The following RPE65 variants were observed in gnomAD, a reference collection of about 807,000 sequenced individuals.
RPE65 encodes retinoid isomerohydrolase.
RPE65 carries 58 observed loss-of-function variants against 68.5 expected under a neutral mutation model. That is an observed-to-expected ratio of 0.85 (90% confidence interval 0.69 to 1.05). RPE65 has a LOEUF of 1.05. Ranked by LOEUF, RPE65 falls within the 50% of genes least tolerant of loss-of-function variation. RPE65 has a pLI of 0.00. For synonymous variants in RPE65, 220 were observed against 222.2 expected (o/e 0.99, Z 0.09); for missense variants, 643 against 629.9 (o/e 1.02, Z -0.22).
chr1:68,445,732 T>G (rs765487724), intron 3 of RPE65, among the ~76,000 whole-genome samples: 33 of 152,016 alleles, frequency 2.2e-4, no homozygotes, highest in Non-Finnish European at 3.5e-4. Flanking sequence ...GCCAGGCTGG[T>G]CTCAAACTCC....
Position 68,444,798 on chromosome 1 carries a change from G to A in RPE65, c.331C>T (p.Pro111Ser), listed in dbSNP as rs886042220. 2.5e-6 allele frequency: 4 copies of A among 1,614,020 alleles called. No individual in the cohort carries two copies. In the African/African-American group the frequency reaches 5.3e-5, roughly 22 times the overall value. The stretch of plus-strand genomic sequence containing the variant: ...AACCTGGAAAATATATTCTTGCAGG[G>A]ATCTGGGAAAGCACAGGTGCCAAAT... ...TEFGTCAFPD[P>S]CKNIFSRFFS... is the part of the protein sequence containing the mutation. Residue 111 changes from proline (P) to serine (S), a missense_variant, in exon 4 of 14, where the codon CCC (proline) becomes TCC (serine). Pro to Ser is a moderately conservative substitution (Grantham distance 74, BLOSUM62 -1). Coordinates refer to ENST00000262340, the MANE Select transcript of RPE65 (RefSeq NM_000329.3).
intron 10 of RPE65, among the ~76,000 whole-genome samples, chr1:68,432,337 C>T (rs1203594590): frequency 1.3e-5 from 2 of 151,842 alleles, no homozygotes; most frequent in Non-Finnish European, 2.9e-5. Context: ...TAATATACCA[C>T]AAATGTGGGG....
intron 10 of RPE65, among the ~76,000 whole-genome samples, chr1:68,436,688 G>C (rs1645865563): frequency 1.3e-5 from 2 of 151,882 alleles, no homozygotes; most frequent in African/African-American, 4.8e-5. Flanking sequence ...GGCTGGTCTT[G>C]AACTCCCAAC....
chr1:68,444,391 T>C, intron 5 of RPE65, 140 bp downstream of exon 5: 1 of 1,084,700 alleles, frequency 9.2e-7, no homozygotes. Context: ...ATCAGTGCAG[T>C]CCATTTGGAG....
In RPE65 at chr1:68,439,207, G is replaced by C. The variant is rs753656894; in HGVS notation, c.842C>G (p.Ser281Cys). Reference sequence around the variant, plus strand: ...AAGACTTACCCCCATGGTTTCATTGGACTCAAAACAATCCATGTAGTTGGC... The same window carrying C: ...AAGACTTACCCCCATGGTTTCATTGCACTCAAAACAATCCATGTAGTTGGC... ...WGANYMDCFESNETMGVWLHI... is the reference protein window; with the variant it reads ...WGANYMDCFECNETMGVWLHI... Residue 281 changes from serine to cysteine, a missense_variant, in exon 8 of 14, where the codon TCC (serine) becomes TGC (cysteine). Physicochemically the swap from Ser to Cys is moderately radical, Grantham distance 112. Coordinates refer to ENST00000262340, the MANE Select transcript of RPE65 (RefSeq NM_000329.3). The C allele has an allele frequency of 4.3e-6, 7 of 1,613,958 alleles. No individual in the cohort carries two copies. In the Admixed American group the frequency reaches 1.2e-4, roughly 27 times the overall value.
chr1:68,434,831 G>A (rs1645849635), intron 10 of RPE65, among the ~76,000 whole-genome samples: 1 of 152,046 alleles, frequency 6.6e-6, no homozygotes, highest in Non-Finnish European at 1.5e-5. Flanking sequence ...GCAATGGCAT[G>A]TAGCTCACTG....
At chr1:68,436,980 T>A (rs1168726156) in intron 10 of RPE65, among the ~76,000 whole-genome samples, 4 of 152,162 alleles carry the variant, frequency 2.6e-5, no homozygotes, top group African/African-American at 9.7e-5. Context: ...CTCAACTACT[T>A]ATTCCCTTTT....
chr1:68,441,884 C>A (rs1645904708), intron 5 of RPE65, among the ~76,000 whole-genome samples: 2 of 152,104 alleles, frequency 1.3e-5, no homozygotes, highest in African/African-American at 4.8e-5. Flanking sequence ...TTTATTCAGT[C>A]AATCATTTAT....
intron 5 of RPE65, 141 bp downstream of exon 5, chr1:68,444,390 G>A (rs1410068635): frequency 9.3e-7 from 1 of 1,075,126 alleles, no homozygotes; most frequent in Non-Finnish European, 1.4e-6. Flanking sequence ...AATCAGTGCA[G>A]TCCATTTGGA....
In RPE65 at chr1:68,440,813, A is replaced by T. The variant is rs1312522096; in HGVS notation, c.643+40T>A. On this transcript the variant is annotated intron_variant, in intron 6 of 13. Coordinates refer to ENST00000262340, the MANE Select transcript of RPE65 (RefSeq NM_000329.3). ...CAATACAGTAACTTTCTCACAATAT[A>T]GACACTTATTTTCAGAAGAGGACAG... 4 of 1,609,316 alleles carry T rather than the reference A, an allele frequency of 2.5e-6. No homozygotes were observed. The Admixed American group carries it at 6.7e-5, about 27-fold the overall frequency.
At chr1:68,431,872 A>C (rs144693251) in intron 10 of RPE65, among the ~76,000 whole-genome samples, 284 of 152,164 alleles carry the variant, frequency 1.9e-3, no homozygotes, top group African/African-American at 6.5e-3. Context: ...GCTCCAAAGA[A>C]AGGCCTCTGA....
chr1:68,448,567 A>G, intron 2 of RPE65, 57 bp downstream of exon 2: 1 of 1,513,720 alleles, frequency 6.6e-7, no homozygotes, highest in South Asian at 1.1e-5. Context: ...AGGAATAGGA[A>G]GCCAGAGAAG....
chr1:68,435,080 C>T (rs1645851417), intron 10 of RPE65, among the ~76,000 whole-genome samples: 1 of 152,166 alleles, frequency 6.6e-6, no homozygotes, highest in African/African-American at 2.4e-5. Context: ...TCACCCTTTT[C>T]AACTTGTCTA....
chr1:68,447,530 T>C (rs1645951141), intron 2 of RPE65, among the ~76,000 whole-genome samples: 1 of 152,160 alleles, frequency 6.6e-6, no homozygotes, highest in African/African-American at 2.4e-5. Flanking sequence ...AGATAGTCCT[T>C]AAGGCCTCTC....
At chr1:68,431,253 T>C in intron 12 of RPE65, 29 bp downstream of exon 12, 1 of 1,611,420 alleles carries the variant, frequency 6.2e-7, no homozygotes, top group Non-Finnish European at 8.5e-7. Context: ...CAAAGCACTG[T>C]TCAAATATTA....
Position 68,444,858 on chromosome 1 carries a change from GTACGTAAGCA to G in RPE65, c.261_270del (p.Ala88GlyfsTer3). On this transcript the variant is annotated frameshift_variant, in exon 4 of 14. Coordinates refer to ENST00000262340, the MANE Select transcript of RPE65 (RefSeq NM_000329.3). LOFTEE classifies it high-confidence loss of function. ...ACGATCCTTTTCTCAGTCATTGCCC[GTACGTAAGCA>G]TCAGTGCGGATGAACCTGAAGGACA... 1 of 1,614,082 alleles carries G rather than the reference GTACGTAAGCA, an allele frequency of 6.2e-7. No homozygotes were observed. The highest frequency in any genetic ancestry group is 8.5e-7 in the Non-Finnish European group (1 of 1,180,022).
intron 10 of RPE65, among the ~76,000 whole-genome samples, chr1:68,437,294 A>G (rs2100815637): frequency 6.6e-6 from 1 of 152,348 alleles, no homozygotes; most frequent in African/African-American, 2.4e-5. Flanking sequence ...CTTCATATTT[A>G]TAGATGAAAT....
At chr1:68,438,908 G>A in intron 9 of RPE65, 34 bp downstream of exon 9, 1 of 1,613,688 alleles carries the variant, frequency 6.2e-7, no homozygotes, top group Non-Finnish European at 8.5e-7. Flanking sequence ...AGGAACAATG[G>A]GAGGTGTCCC....
intron 10 of RPE65, among the ~76,000 whole-genome samples, chr1:68,435,276 G>A (rs1323357735): frequency 1.3e-5 from 2 of 152,004 alleles, no homozygotes; most frequent in East Asian, 1.9e-4. Flanking sequence ...GTGCTTGGCT[G>A]TCTTCTCTCT....
Sources: allele counts gnomAD v4.1 joint callset (sites outside exome capture counted in the v4.1 genomes callset), GRCh38; gene constraint gnomAD v4.1.1; transcripts MANE v1.5; gene names NCBI Gene and HGNC (gene_info 2026-07-23, HGNC 2026-07-21).